ZNF540: variants seen among roughly 807,000 people sequenced by gnomAD.
ZNF540 encodes zinc finger protein 540.
Under a neutral mutation model 11.8 loss-of-function variants are expected in ZNF540, and 3 were observed. The observed-to-expected ratio is 0.25, with a 90% CI of 0.12 to 0.65. The LOEUF (loss-of-function observed/expected upper bound fraction) is 0.65, where lower values mean the gene tolerates loss of function less well. Ranked by LOEUF, ZNF540 falls within the 30% of genes least tolerant of loss-of-function variation. The pLI is 0.83. For synonymous variants in ZNF540, 247 were observed against 259.0 expected, an observed-to-expected ratio of 0.95 and a Z score of 0.45; for missense variants, 709 against 793.1, an observed-to-expected ratio of 0.89 and a Z score of 1.27.
chr19:37,584,737 C>T (rs1404661398), intron 1 of ZNF540, among the ~76,000 whole-genome samples: 2 of 151,834 alleles, frequency 1.3e-5, no homozygotes, highest in African/African-American at 4.8e-5. Flanking sequence ...CCGAGGCGGG[C>T]GGATCACGAG....
intron 1 of ZNF540, among the ~76,000 whole-genome samples, chr19:37,580,966 G>A (rs2043436230): frequency 6.6e-6 from 1 of 152,140 alleles, no homozygotes; most frequent in South Asian, 2.1e-4. Context: ...ATAACACTTT[G>A]AAAAGTGACC....
At chr19:37,604,038 A>G (rs1381119235) in intron 4 of ZNF540, among the ~76,000 whole-genome samples, 1 of 85,822 alleles carries the variant, frequency 1.2e-5, no homozygotes, top group Admixed American at 1.2e-4. Context: ...TATAAAAAGG[A>G]TAAGATAACT....
At chr19:37,600,949 A>G (rs978086858) in intron 3 of ZNF540, 61 bp from the exon 4 acceptor site, 3 of 1,388,788 alleles carry the variant, frequency 2.2e-6, no homozygotes, top group Admixed American at 4.1e-5. Context: ...AAGTCTCAAA[A>G]TGTTTCTGAA....
intron 2 of ZNF540, 90 bp from the exon 3 acceptor site, chr19:37,599,536 T>A: frequency 6.6e-7 from 1 of 1,520,788 alleles, no homozygotes; most frequent in Non-Finnish European, 9.1e-7. Flanking sequence ...ATAGTACCCC[T>A]TGCTGCAATG....
intron 1 of ZNF540, chr19:37,562,772 T>C (rs924457504): frequency 2.6e-5 from 4 of 152,250 alleles, no homozygotes; most frequent in African/African-American, 7.2e-5. Flanking sequence ...CTATAGTATC[T>C]GTTCCTTAAA....
chr19:37,614,071 A>G lies in ZNF540; in HGVS notation c.*808A>G. On this transcript the variant is annotated 3_prime_UTR_variant, in exon 5 of 5. Coordinates refer to ENST00000316433, the MANE Select transcript of ZNF540 (RefSeq NM_001172225.3). ...TGGACTTTCAGCCTCCAAAACTGTG[A>G]GAAATAAACCTCAGTTGTTTATAAG... The G allele has an allele frequency of 2.6e-6, 1 of 391,472 alleles. No individual in the cohort carries two copies. The highest frequency in any genetic ancestry group is 1.4e-4 in the South Asian group (1 of 6,960). 24.2% of individuals were successfully genotyped at this position (391,472 alleles called of 1,614,324 possible). A position where few individuals can be genotyped will look rare whatever the true frequency, so the allele number is the denominator to read the frequency against.
chr19:37,556,863 G>C (rs143080164), intron 1 of ZNF540, among the ~76,000 whole-genome samples: 1 of 152,164 alleles, frequency 6.6e-6, no homozygotes. Context: ...GATTAATTTT[G>C]TAAGAGTGTT....
rs780782603 is a variant in ZNF540 at position 37,564,965 on chromosome 19, T to G, written c.-73+13300T>G. The G allele has an allele frequency of 1.9e-6, 3 of 1,613,854 alleles. No individual in the cohort carries two copies. The South Asian group carries it at 3.3e-5, about 18-fold the overall frequency. ...ATGAATTCTTTGATGATATGTAAGT[T>G]GTGTAGCACGTACAAAGGTCTTCCC... On this transcript the variant is annotated intron_variant, in intron 1 of 4. Transcript: ENST00000592533.
At chr19:37,564,008 A>G (rs966568380) in intron 1 of ZNF540, 29 of 152,326 alleles carry the variant, frequency 1.9e-4, no homozygotes, top group African/African-American at 5.3e-4. Context: ...ACAAAAAACA[A>G]CAGCCCTAAA....
intron 1 of ZNF540, chr19:37,565,667 T>C: frequency 6.2e-7 from 1 of 1,613,556 alleles, no homozygotes; most frequent in Non-Finnish European, 8.5e-7. Flanking sequence ...TCCACATTTC[T>C]TACATTCATA....
At position 37,609,870 on chromosome 19, in the gene ZNF540, A is replaced by G. The variant is rs534729604; in HGVS notation, c.233-1643A>G. 6.6e-5 allele frequency among the ~76,000 whole-genome samples: 10 copies of G among 152,210 alleles called. No individual in the cohort carries two copies. The South Asian group carries it at 1.0e-3, about 16-fold the overall frequency. Reference sequence around the variant, plus strand: ...CTCAAAAAATAAAGAAAGAAAGAAAAAAAAAGAAAAGAAAAAAACAGTAGA... The same window carrying G: ...CTCAAAAAATAAAGAAAGAAAGAAAGAAAAAGAAAAGAAAAAAACAGTAGA... On this transcript the variant is annotated intron_variant, in intron 4 of 4. Transcript: ENST00000316433.
chr19:37,577,654 TC>T (rs1333414242), intron 1 of ZNF540, among the ~76,000 whole-genome samples: 1 of 152,164 alleles, frequency 6.6e-6, no homozygotes, highest in Non-Finnish European at 1.5e-5. Flanking sequence ...AGTGAGAAGA[TC>T]CATGAGTAGA....
intron 1 of ZNF540, among the ~76,000 whole-genome samples, chr19:37,556,815 A>G (rs899164708): frequency 1.3e-5 from 2 of 152,220 alleles, no homozygotes; most frequent in Non-Finnish European, 2.9e-5. Flanking sequence ...AAGTAGGGCT[A>G]AAGGAAGGAG....
At chr19:37,553,929 G>A (rs1352374127) in intron 1 of ZNF540, among the ~76,000 whole-genome samples, 1 of 152,134 alleles carries the variant, frequency 6.6e-6, no homozygotes, top group African/African-American at 2.4e-5. Flanking sequence ...CCATTCGTAT[G>A]TATGAATCCA....
rs143550959 is a variant in ZNF540, at chr19:37,609,404, C to T, written c.233-2109C>T. Among the ~76,000 whole-genome samples, 4 of 150,798 alleles carry T rather than the reference C, an allele frequency of 2.7e-5. No individual in the cohort carries two copies. In the East Asian group the frequency reaches 5.9e-4, roughly 22 times the overall value. On this transcript the variant is annotated intron_variant, in intron 4 of 4. Transcript: ENST00000316433. Reference sequence around the variant, plus strand: ...TAAAAATACCAAAAAATTAGTCAGGCGTGGTGGTGGGTGCCTGTTATCCCA... The same window carrying T: ...TAAAAATACCAAAAAATTAGTCAGGTGTGGTGGTGGGTGCCTGTTATCCCA...
upstream of ZNF540, among the ~76,000 whole-genome samples, chr19:37,592,321 A>G (rs1445531904): frequency 2.0e-5 from 3 of 152,158 alleles, no homozygotes; most frequent in Middle Eastern, 3.2e-3. Flanking sequence ...GTGCTTCTCA[A>G]TCCTTCTAAA....
At chr19:37,577,744 T>C (rs1467171628) in intron 1 of ZNF540, among the ~76,000 whole-genome samples, 1 of 152,190 alleles carries the variant, frequency 6.6e-6, no homozygotes, top group Non-Finnish European at 1.5e-5. Context: ...TTAATCAATG[T>C]AAATTTAAAT....
chr19:37,565,046 T>C (rs1157300036), intron 1 of ZNF540: 1 of 1,613,764 alleles, frequency 6.2e-7, no homozygotes, highest in East Asian at 2.2e-5. Flanking sequence ...TTGAGTAAGA[T>C]ATGCAACACG....
At chr19:37,565,405 C>T in intron 1 of ZNF540, 1 of 1,613,528 alleles carries the variant, frequency 6.2e-7, no homozygotes, top group Non-Finnish European at 8.5e-7. Context: ...AAAAGGCTTT[C>T]CCACATTCTT....
Sources: gnomAD v4.1 joint callset for allele counts (sites outside exome capture counted in the v4.1 genomes callset) on GRCh38, gnomAD v4.1.1 for gene constraint, MANE v1.5 for transcripts, NCBI Gene and HGNC (gene_info 2026-07-23, HGNC 2026-07-21) for gene names.